Variants in SLC2A13 observed in about 807,000 individuals in gnomAD.
The protein encoded by SLC2A13 is proton myo-inositol cotransporter.
A neutral mutation model predicts 64.4 loss-of-function variants in SLC2A13; 32 were observed. The observed-to-expected ratio is 0.50, with a 90% CI of 0.37 to 0.67. SLC2A13 has a LOEUF of 0.67. Among genes scored for constraint, SLC2A13 ranks in the 30% least tolerant of loss-of-function variants. The pLI is 0.00. For synonymous variants in SLC2A13, 338 were observed against 327.1 expected (o/e 1.03, Z -0.36); for missense variants, 743 against 829.2 (o/e 0.90, Z 1.28).
intron 7 of SLC2A13, among the ~76,000 whole-genome samples, chr12:39,804,128 A>G (rs1941895107): frequency 6.6e-6 from 1 of 152,152 alleles, no homozygotes; most frequent in Non-Finnish European, 1.5e-5. Flanking sequence ...GTGGTGGGGA[A>G]AAAAACACTA....
At chr12:40,028,530 C>T in intron 2 of SLC2A13, 21 bp from the exon 3 acceptor site, 1 of 1,610,418 alleles carries the variant, frequency 6.2e-7, no homozygotes, top group Non-Finnish European at 8.5e-7. Context: ...AAAAAATCCA[C>T]ATTTACTGTA....
intron 4 of SLC2A13, among the ~76,000 whole-genome samples, chr12:39,911,562 A>C (rs1465061417): frequency 2.0e-5 from 3 of 150,914 alleles, no homozygotes; most frequent in African/African-American, 7.3e-5. Context: ...CTTTTGTTTC[A>C]GCCTGCAACT....
At chr12:39,826,655 T>C (rs1019829329) in intron 7 of SLC2A13, among the ~76,000 whole-genome samples, 1 of 151,348 alleles carries the variant, frequency 6.6e-6, no homozygotes, top group African/African-American at 2.4e-5. Flanking sequence ...GGCTTTTTTC[T>C]AAAAGTTCTC....
intron 1 of SLC2A13, among the ~76,000 whole-genome samples, chr12:40,071,442 C>T (rs774594472): frequency 2.6e-5 from 4 of 152,042 alleles, no homozygotes; most frequent in Non-Finnish European, 5.9e-5. Context: ...TTGATGATTT[C>T]TACATCTATG....
At chr12:39,880,766 T>C (rs1008484826) in intron 4 of SLC2A13, among the ~76,000 whole-genome samples, 4 of 152,224 alleles carry the variant, frequency 2.6e-5, no homozygotes, top group African/African-American at 7.2e-5. Flanking sequence ...TCTGGCTTCA[T>C]ACCTCTGGCG....
rs532877035 is a variant in SLC2A13, at chr12:39,941,444, G to C, written c.1034+9813C>G. ...TCCATGCCAACATCCACTGTTTTTTGATTTTTTGATCATGGCCATTCCTAC... is the reference window on the plus strand; with the variant it reads ...TCCATGCCAACATCCACTGTTTTTTCATTTTTTGATCATGGCCATTCCTAC... On this transcript the variant is annotated intron_variant, in intron 4 of 9. Coordinates refer to ENST00000280871, the MANE Select transcript of SLC2A13 (RefSeq NM_052885.4). Among the ~76,000 whole-genome samples the C allele has an allele frequency of 2.0e-5, 3 of 152,130 alleles. No individual in the cohort carries two copies. In the East Asian group the frequency reaches 5.8e-4, roughly 29 times the overall value.
intron 1 of SLC2A13, among the ~76,000 whole-genome samples, chr12:40,064,934 T>TA (rs1365348002): frequency 6.6e-6 from 1 of 152,142 alleles, no homozygotes; most frequent in African/African-American, 2.4e-5. Context: ...TAATACTGAT[T>TA]AAAAGGAGCA....
chr12:39,922,535 A>G (rs1290480042), intron 4 of SLC2A13, among the ~76,000 whole-genome samples: 1 of 152,258 alleles, frequency 6.6e-6, no homozygotes, highest in Non-Finnish European at 1.5e-5. Context: ...AAGGATAAAC[A>G]GCTGAAAAAT....
At chr12:40,068,546 G>T in intron 1 of SLC2A13, 1 of 219,884 alleles carries the variant, frequency 4.5e-6, no homozygotes. Context: ...GGAGCCTAGC[G>T]TTGATCAACT....
chr12:39,782,519 T>C (rs1426372090), intron 7 of SLC2A13, among the ~76,000 whole-genome samples: 1 of 152,170 alleles, frequency 6.6e-6, no homozygotes, highest in Non-Finnish European at 1.5e-5. Context: ...TGTGGAACTG[T>C]AAGTCCAATT....
rs1940061751 is a variant in SLC2A13, at chr12:39,759,570, T to C, written c.*456A>G. 1 of 154,570 alleles carries C rather than the reference T, an allele frequency of 6.5e-6. No individual in the cohort carries two copies. Among genetic ancestry groups the C allele is most frequent in the Non-Finnish European group, 1.4e-5 (1 of 69,524 alleles). The allele number at this position is 154,570 out of a possible 1,614,324, so 9.6% of individuals were successfully genotyped here. A position where few individuals can be genotyped will look rare whatever the true frequency, so the allele number is the denominator to read the frequency against. On this transcript the variant is annotated 3_prime_UTR_variant, in exon 10 of 10. Coordinates refer to ENST00000280871, the MANE Select transcript of SLC2A13 (RefSeq NM_052885.4). ...TGATCAGAGATAAGCCACTACTCTG[T>C]AGGAAAACTGAGGGCCAATAGGCCA... is the stretch of plus-strand genomic sequence containing the variant.
intron 4 of SLC2A13, among the ~76,000 whole-genome samples, chr12:39,903,883 T>C (rs1945201238): frequency 6.6e-6 from 1 of 152,122 alleles, no homozygotes; most frequent in Non-Finnish European, 1.5e-5. Flanking sequence ...GGGGACGTGA[T>C]GAAGCAGCCT....
At chr12:40,015,983 GCT>G (rs1226499793) in intron 3 of SLC2A13, among the ~76,000 whole-genome samples, 4 of 152,210 alleles carry the variant, frequency 2.6e-5, no homozygotes, top group African/African-American at 7.2e-5. Flanking sequence ...AAAGAATAAT[GCT>G]CTTTTATTAG....
intron 3 of SLC2A13, among the ~76,000 whole-genome samples, chr12:40,007,489 C>CTT (rs1947443979): frequency 9.7e-6 from 1 of 102,718 alleles, no homozygotes; most frequent in Non-Finnish European, 2.0e-5. Context: ...CTGAAAACAA[C>CTT]TTTAAAACTT....
chr12:39,999,638 C>T (rs1947292035), intron 3 of SLC2A13, among the ~76,000 whole-genome samples: 2 of 152,186 alleles, frequency 1.3e-5, no homozygotes, highest in African/African-American at 4.8e-5. Flanking sequence ...AATACGTGCA[C>T]CGCTGAACAT....
rs754235793 is a variant in SLC2A13, at chr12:40,105,245, G to A, written c.556+8C>T. ...ATCCCGGGCGCCCTTCACGGAGCCC[G>A]AACTCACCGATGCCGAGTCCCACGA... On this transcript the variant is annotated splice_region_variant and intron_variant, in intron 1 of 9. Coordinates refer to ENST00000280871, the MANE Select transcript of SLC2A13 (RefSeq NM_052885.4). This position sits in a 1 kb window ranked among gnomAD's most constrained non-coding sequence, Gnocchi z 4.2. 3 of 1,578,106 alleles carry A rather than the reference G, an allele frequency of 1.9e-6. No individual in the cohort carries two copies. The highest frequency in any genetic ancestry group is 3.5e-5 in the Admixed American group (2 of 56,598).
chr12:40,104,031 T>G (rs557312001), intron 1 of SLC2A13, among the ~76,000 whole-genome samples: 3 of 151,224 alleles, frequency 2.0e-5, no homozygotes, highest in African/African-American at 4.9e-5. Flanking sequence ...GCATGTGGAG[T>G]TGAATATATG....
At chr12:39,857,955 T>C (rs1426459558) in intron 6 of SLC2A13, among the ~76,000 whole-genome samples, 1 of 152,190 alleles carries the variant, frequency 6.6e-6, no homozygotes, top group Non-Finnish European at 1.5e-5. Flanking sequence ...TTTTTGACTA[T>C]AGGAAAACAA....
chr12:39,786,301 A>G (rs1272801294), intron 7 of SLC2A13, among the ~76,000 whole-genome samples: 1 of 152,046 alleles, frequency 6.6e-6, no homozygotes, highest in Non-Finnish European at 1.5e-5. Flanking sequence ...TGGTTTTATC[A>G]GGGGTTTCCT....
Sources: gnomAD v4.1 joint callset for allele counts (sites outside exome capture counted in the v4.1 genomes callset) on GRCh38, gnomAD v4.1.1 for gene constraint, Gnocchi (gnomAD v3.1) non-coding constraint, MANE v1.5 for transcripts, NCBI Gene and HGNC (gene_info 2026-07-23, HGNC 2026-07-21) for gene names.